LRP1B: variants seen among roughly 807,000 people sequenced by gnomAD.
LRP1B encodes low-density lipoprotein receptor-related protein 1B.
A neutral mutation model predicts 556.6 loss-of-function variants in LRP1B; 217 were observed. The observed-to-expected ratio is 0.39, with a 90% CI of 0.35 to 0.44. The LOEUF is 0.44. Ranked by LOEUF, LRP1B falls within the 20% of genes least tolerant of loss-of-function variation. The probability of loss-of-function intolerance (pLI) is 1.00; values close to 1 mark genes in which losing one functional copy is unlikely to be tolerated. For synonymous variants in LRP1B, 2,047 were observed against 1,865.8 expected (o/e 1.10, Z -2.50); for missense variants, 5,053 against 5,620.8 (o/e 0.90, Z 3.23).
intron 43 of LRP1B, among the ~76,000 whole-genome samples, chr2:140,544,520 A>G (rs1224524413): frequency 2.0e-5 from 3 of 151,874 alleles, no homozygotes; most frequent in African/African-American, 7.3e-5. Flanking sequence ...TCTCCTCTAT[A>G]TGTCCACGTG....
chr2:141,670,906 A>G (rs1574222143), intron 2 of LRP1B, among the ~76,000 whole-genome samples: 1 of 152,192 alleles, frequency 6.6e-6, no homozygotes, highest in African/African-American at 2.4e-5. Context: ...ATTTCTTCAA[A>G]ATTATTACTT....
intron 41 of LRP1B, among the ~76,000 whole-genome samples, chr2:140,636,276 T>C (rs16844366): frequency 0.05 from 7,659 of 152,222 alleles, 348 homozygotes; most frequent in African/African-American, 0.12. Context: ...ATACCCGTGG[T>C]AGATTATGTA....
At chr2:141,874,469 A>G (rs975241265) in intron 1 of LRP1B, among the ~76,000 whole-genome samples, 2 of 151,968 alleles carry the variant, frequency 1.3e-5, no homozygotes, top group Non-Finnish European at 2.9e-5. Context: ...TTCTACTCAA[A>G]TATGACTAAT....
chr2:141,164,683 G>C (rs1410980008), intron 7 of LRP1B, among the ~76,000 whole-genome samples: 3 of 152,104 alleles, frequency 2.0e-5, no homozygotes, highest in Non-Finnish European at 4.4e-5. Flanking sequence ...ATTTCTATCT[G>C]TGATAGTAAC....
intron 82 of LRP1B, among the ~76,000 whole-genome samples, chr2:140,319,650 T>C (rs1243621497): frequency 1.3e-5 from 2 of 151,930 alleles, no homozygotes; most frequent in African/African-American, 4.8e-5. Flanking sequence ...AGGGAGAGGA[T>C]TGGGAAAAAT....
chr2:140,356,606 G>A (rs1310962350), intron 74 of LRP1B, 130 bp from the exon 75 acceptor site: 3 of 616,872 alleles, frequency 4.9e-6, no homozygotes, highest in South Asian at 2.1e-5. Context: ...CAAGGTTACG[G>A]TCTTCTCTCC....
chr2:140,238,122 C>T (rs2104881094), intron 89 of LRP1B, 30 bp downstream of exon 89: 3 of 1,551,666 alleles, frequency 1.9e-6, no homozygotes, highest in Non-Finnish European at 2.6e-6. Context: ...AATGTTAGTG[C>T]TCACTGCCCA....
chr2:141,745,518 G>C (rs1693883460), intron 2 of LRP1B, among the ~76,000 whole-genome samples: 1 of 151,984 alleles, frequency 6.6e-6, no homozygotes, highest in South Asian at 2.1e-4. Flanking sequence ...TTCAGGCCCA[G>C]GGCCTCTTTA....
At chr2:140,374,436 C>T (rs1299455658) in intron 68 of LRP1B, among the ~76,000 whole-genome samples, 1 of 152,042 alleles carries the variant, frequency 6.6e-6, no homozygotes, top group Non-Finnish European at 1.5e-5. Context: ...TTTGTGATAA[C>T]AGTTTAAGTA....
intron 29 of LRP1B, among the ~76,000 whole-genome samples, chr2:140,843,704 C>T (rs1370137016): frequency 6.6e-6 from 1 of 152,124 alleles, no homozygotes; most frequent in Admixed American, 6.5e-5. Context: ...TCCCTTCAAC[C>T]ACAAAAACCT....
intron 5 of LRP1B, among the ~76,000 whole-genome samples, chr2:141,243,740 A>G: frequency 6.6e-6 from 1 of 152,128 alleles, no homozygotes. Flanking sequence ...GTTCCTCCCA[A>G]CTCTGAAACA....
At chr2:142,107,719 C>A (rs1318762099) in intron 1 of LRP1B, among the ~76,000 whole-genome samples, 1 of 151,824 alleles carries the variant, frequency 6.6e-6, no homozygotes, top group African/African-American at 2.4e-5. Flanking sequence ...CCTCCGCCTC[C>A]TGGGTTCAAG....
At chr2:141,304,617 T>G (rs1272286097) in intron 3 of LRP1B, among the ~76,000 whole-genome samples, 1 of 151,510 alleles carries the variant, frequency 6.6e-6, no homozygotes, top group Non-Finnish European at 1.5e-5. Flanking sequence ...GCAGCTGGTA[T>G]TACAGGCATG....
intron 47 of LRP1B, among the ~76,000 whole-genome samples, chr2:140,532,755 G>T (rs1286666445): frequency 6.6e-6 from 1 of 151,548 alleles, no homozygotes; most frequent in African/African-American, 2.4e-5. Context: ...ATTACTTTCA[G>T]TTTCAATGGT....
intron 2 of LRP1B, among the ~76,000 whole-genome samples, chr2:141,683,924 T>C (rs1486920433): frequency 6.6e-6 from 1 of 152,012 alleles, no homozygotes; most frequent in African/African-American, 2.4e-5. Flanking sequence ...TGGCAATCAT[T>C]AAAAAATCAG....
At chr2:140,622,172 T>C (rs1368748793) in intron 41 of LRP1B, among the ~76,000 whole-genome samples, 1 of 152,216 alleles carries the variant, frequency 6.6e-6, no homozygotes, top group Non-Finnish European at 1.5e-5. Flanking sequence ...CAACAAACTT[T>C]TTGTACCAAG....
chr2:142,020,807 G>C (rs1210210485), intron 1 of LRP1B, among the ~76,000 whole-genome samples: 1 of 152,166 alleles, frequency 6.6e-6, no homozygotes, highest in African/African-American at 2.4e-5. Flanking sequence ...GATCAAGGGT[G>C]GTCATACATC....
chr2:141,823,094 GCTTGCTTTCCCCATCTCT>G (rs1237733336), intron 1 of LRP1B, among the ~76,000 whole-genome samples: 5 of 152,142 alleles, frequency 3.3e-5, no homozygotes, highest in East Asian at 1.9e-4. Context: ...AAGGCTGTAT[GCTTGCTTTCCCCATCTCT>G]CTTGCTTTCC....
At chr2:140,597,272 T>A (rs767061003) in intron 43 of LRP1B, among the ~76,000 whole-genome samples, 5 of 152,130 alleles carry the variant, frequency 3.3e-5, no homozygotes, top group Non-Finnish European at 7.4e-5. Flanking sequence ...AAAAATCCTT[T>A]AAATTATGTT....
Sources: gnomAD v4.1 joint callset for allele counts (sites outside exome capture counted in the v4.1 genomes callset) on GRCh38, gnomAD v4.1.1 for gene constraint, MANE v1.5 for transcripts, NCBI Gene and HGNC (gene_info 2026-07-23, HGNC 2026-07-21) for gene names.